The following PRDM1 variants were observed in gnomAD, a reference collection of about 807,000 sequenced individuals.
PRDM1 encodes PR domain zinc finger protein 1.
In PRDM1, 13 loss-of-function variants were observed where a neutral mutation model predicts 62.8. The observed-to-expected ratio is 0.21, with a 90% CI of 0.13 to 0.33. The LOEUF (loss-of-function observed/expected upper bound fraction) is 0.33. Ranked by LOEUF, PRDM1 falls within the 10% of genes least tolerant of loss-of-function variation. The probability of loss-of-function intolerance (pLI) is 1.00; values close to 1 mark genes in which losing one functional copy is unlikely to be tolerated. For synonymous variants in PRDM1, 396 were observed against 417.6 expected (o/e 0.95, Z 0.63); for missense variants, 895 against 1,058.8 (o/e 0.85, Z 2.15).
upstream of PRDM1, among the ~76,000 whole-genome samples, chr6:106,044,620 C>T (rs1773046804): frequency 6.6e-6 from 1 of 152,182 alleles, no homozygotes; most frequent in Non-Finnish European, 1.5e-5. Flanking sequence ...CAAAGTGGAT[C>T]AAAGACCTAG....
At position 106,105,587 on chromosome 6, in the gene PRDM1, G is replaced by C. The variant is rs765744926; in HGVS notation, c.1427G>C (p.Arg476Pro). ...LPSSLPSDGARRLLQPEHPRE... is the reference protein window; with the variant it reads ...LPSSLPSDGAPRLLQPEHPRE... ...AGCTCGCTGCCCTCAGATGGAGCCC[G>C]GAGGTTGCTCCAGCCGGAGCATCCC... The change falls in exon 5 of 7, where the codon CGG (arginine) becomes CCG (proline). Residue 476 changes from arginine to proline, a missense_variant. By Grantham distance (103) the Arg-to-Pro change is moderately radical (BLOSUM62 -2). This residue lies in a region of PRDM1 where 444 missense variants were observed against 422.7 expected (regional missense o/e 1.05). Coordinates refer to ENST00000369096, the MANE Select transcript of PRDM1 (RefSeq NM_001198.4). 6.2e-7 allele frequency: 1 copy of C among 1,613,120 alleles called. No individual in the cohort carries two copies.
intron 2 of PRDM1, among the ~76,000 whole-genome samples, chr6:106,093,943 T>C (rs1207774657): frequency 6.6e-6 from 1 of 152,234 alleles, no homozygotes; most frequent in Non-Finnish European, 1.5e-5. Flanking sequence ...TTCATTGATT[T>C]GTATATTGAA....
chr6:106,088,023 CCTTG>C, intron 1 of PRDM1, 174 bp from the exon 2 acceptor site: 1 of 311,402 alleles, frequency 3.2e-6, no homozygotes, highest in East Asian at 5.3e-5. Context: ...CATTTAAAAA[CCTTG>C]CTTCTTTTCA....
chr6:106,104,803 C>A, intron 4 of PRDM1, 22 bp from the exon 5 acceptor site: 1 of 1,596,034 alleles, frequency 6.3e-7, no homozygotes, highest in Non-Finnish European at 8.5e-7. Flanking sequence ...TCTGTGTAAT[C>A]GCCCCTTTTT....
upstream of PRDM1, among the ~76,000 whole-genome samples, chr6:106,083,899 T>C (rs1773742680): frequency 6.6e-6 from 1 of 152,188 alleles, no homozygotes; most frequent in African/African-American, 2.4e-5. Flanking sequence ...CTCCCAGCTT[T>C]AGTCAGCAGT....
intron 1 of PRDM1, among the ~76,000 whole-genome samples, chr6:105,998,023 T>C (rs1184421230): frequency 1.2e-4 from 18 of 152,234 alleles, no homozygotes; most frequent in Non-Finnish European, 1.0e-4. Flanking sequence ...GTATGTTTAG[T>C]TGGTTTCTAT....
In PRDM1 at chr6:106,106,762, T is replaced by C. The variant is rs1774502723; in HGVS notation, c.1903-149T>C. The C allele has an allele frequency of 3.0e-6, 3 of 1,000,002 alleles. No individual in the cohort carries two copies. The African/African-American group carries it at 4.9e-5, about 16-fold the overall frequency. The allele number at this position is 1,000,002 out of a possible 1,614,324, so 61.9% of individuals were successfully genotyped here. ...TGTGTGCCCACATCCCCCCGTTTGC[T>C]TAATACCACACTGGAGGTGCCACAA... is the stretch of plus-strand genomic sequence containing the variant. On this transcript the variant is annotated intron_variant, in intron 6 of 6. Transcript: ENST00000369096. This position sits in a 1 kb window ranked among gnomAD's most constrained non-coding sequence, Gnocchi z 4.4.
upstream of PRDM1, among the ~76,000 whole-genome samples, chr6:106,083,192 C>T (rs542577936): frequency 1.3e-4 from 9 of 68,564 alleles, no homozygotes; most frequent in African/African-American, 4.9e-4. Context: ...GCCTAACTTA[C>T]AGGAAGCGGG....
intron 1 of PRDM1, among the ~76,000 whole-genome samples, chr6:106,055,750 T>C (rs114761974): frequency 0.013 from 2,003 of 152,326 alleles, 50 homozygotes; most frequent in African/African-American, 0.045. Context: ...AGTTGGTGTT[T>C]ATTAACTAAC....
At chr6:106,026,874 C>T (rs4946717) in intron 1 of PRDM1, among the ~76,000 whole-genome samples, 90,493 of 152,060 alleles carry the variant, frequency 0.6, 27,576 homozygotes, top group East Asian at 0.8. Flanking sequence ...AGGAAAACCA[C>T]AGACAGGAAG....
intron 1 of PRDM1, among the ~76,000 whole-genome samples, chr6:106,009,914 C>T (rs956137013): frequency 3.3e-5 from 5 of 152,160 alleles, no homozygotes; most frequent in African/African-American, 1.2e-4. Context: ...GACAGGGTTT[C>T]ACCATGTTGG....
chr6:106,055,828 A>G (rs754447004), intron 1 of PRDM1, among the ~76,000 whole-genome samples: 2 of 152,216 alleles, frequency 1.3e-5, no homozygotes, highest in Non-Finnish European at 2.9e-5. Flanking sequence ...TTTAGAGCTC[A>G]GAGTCACTAT....
chr6:106,043,661 G>A (rs1229017035), upstream of PRDM1, among the ~76,000 whole-genome samples: 3 of 152,002 alleles, frequency 2.0e-5, no homozygotes, highest in South Asian at 2.1e-4. Context: ...TCAGCCTCCC[G>A]AGTAGCTGGG....
rs1196786469 is a variant in PRDM1 at position 106,090,878 on chromosome 6, AC to A, written c.291+2431del. Among the ~76,000 whole-genome samples, 21 of 147,070 alleles carry A rather than the reference AC, an allele frequency of 1.4e-4. No individual in the cohort carries two copies. In the East Asian group the frequency reaches 3.9e-3, roughly 27 times the overall value. On this transcript the variant is annotated intron_variant, in intron 2 of 6. Transcript: ENST00000369096. ...TTATGAATTTGTACCATGTGTCAGCACCTTTTTTTTTTTTTTGGTTAAAACA... is the reference window on the plus strand; with the variant it reads ...TTATGAATTTGTACCATGTGTCAGCACTTTTTTTTTTTTTTGGTTAAAACA...
intron 1 of PRDM1, among the ~76,000 whole-genome samples, chr6:106,059,599 T>C (rs1773315406): frequency 6.6e-6 from 1 of 152,094 alleles, no homozygotes; most frequent in Admixed American, 6.5e-5. Flanking sequence ...ACCATTGGAG[T>C]GACATGATGT....
chr6:106,082,747 A>C (rs963767114), upstream of PRDM1, among the ~76,000 whole-genome samples: 16 of 152,170 alleles, frequency 1.1e-4, no homozygotes, highest in African/African-American at 3.6e-4. Flanking sequence ...CAAAACATCC[A>C]ACAGCCCCTG....
intron 1 of PRDM1, among the ~76,000 whole-genome samples, chr6:106,020,308 T>A (rs966342214): frequency 2.6e-5 from 4 of 152,144 alleles, no homozygotes; most frequent in African/African-American, 7.2e-5. Context: ...TACCTTTTTT[T>A]ATTTTTTTTG....
At chr6:106,098,263 GT>G in intron 3 of PRDM1, 1 of 985,156 alleles carries the variant, frequency 1.0e-6, no homozygotes, top group Non-Finnish European at 1.2e-6. Flanking sequence ...AGTAAAGGTG[GT>G]ACCTCCTAAA....
chr6:106,086,567 G>A lies in PRDM1; in HGVS notation c.14G>A (p.Cys5Tyr). The stretch of plus-strand genomic sequence containing the variant: ...GACTTTTCTCAGATGTTGGATATTT[G>A]CTTGGAAAAACGTGTGGGTACGACC... MLDI[C>Y]LEKRVGTTLA... Residue 5 changes from cysteine to tyrosine, a missense_variant, in exon 1 of 7, where the codon TGC (cysteine) becomes TAC (tyrosine). Coordinates refer to ENST00000369096, the MANE Select transcript of PRDM1 (RefSeq NM_001198.4). The A allele has an allele frequency of 6.4e-7, 1 of 1,552,014 alleles. No individual in the cohort carries two copies. Among genetic ancestry groups the A allele is most frequent in the Non-Finnish European group, 8.7e-7 (1 of 1,146,810 alleles).
Sources: gnomAD v4.1 joint callset for allele counts (sites outside exome capture counted in the v4.1 genomes callset) on GRCh38, gnomAD v4.1.1 for gene constraint, gnomAD v4.1.1 regional missense constraint, Gnocchi (gnomAD v3.1) non-coding constraint, MANE v1.5 for transcripts, NCBI Gene and HGNC (gene_info 2026-07-23, HGNC 2026-07-21) for gene names.